The following NFU1 variants were observed in gnomAD, a reference collection of about 807,000 sequenced individuals.
NFU1 encodes the protein NFU1 iron-sulfur cluster scaffold homolog, mitochondrial.
Under a neutral mutation model 32.2 loss-of-function variants are expected in NFU1, and 30 were observed. The ratio of observed to expected loss-of-function variants is 0.93; its 90% CI spans 0.70 to 1.26. The LOEUF (loss-of-function observed/expected upper bound fraction) is 1.26, where lower values mean the gene tolerates loss of function less well. Among genes scored for constraint, NFU1 ranks in the 50% most tolerant of loss-of-function variants. The pLI is 0.00. For synonymous variants in NFU1, 112 were observed against 104.6 expected (o/e 1.07, Z -0.43); for missense variants, 306 against 306.6 (o/e 1.00, Z 0.02).
At chr2:69,416,295 AATAAT>A (rs1266294931) in intron 4 of NFU1, 1 of 143,454 alleles carries the variant, frequency 7.0e-6, no homozygotes, top group Non-Finnish European at 1.5e-5. Context: ...TATTATTATT[AATAAT>A]ATAATTATAA....
intron 3 of NFU1, among the ~76,000 whole-genome samples, chr2:69,423,154 GT>G (rs1673303849): frequency 2.0e-5 from 2 of 100,360 alleles, no homozygotes; most frequent in Non-Finnish European, 4.3e-5. Context: ...ATTTGTGTGT[GT>G]GTGTGTGTGT....
intron 1 of NFU1, among the ~76,000 whole-genome samples, chr2:69,437,040 G>A (rs1673864924): frequency 6.6e-6 from 1 of 152,238 alleles, no homozygotes; most frequent in African/African-American, 2.4e-5. Flanking sequence ...GGGGGCGGGA[G>A]AGGCACACGA....
intron 1 of NFU1, among the ~76,000 whole-genome samples, chr2:69,436,173 G>A (rs4284873): frequency 0.38 from 58,397 of 151,926 alleles, 11,557 homozygotes; most frequent in Middle Eastern, 0.44. Flanking sequence ...TAGCACAATG[G>A]CCTCAGTTCT....
intron 1 of NFU1, among the ~76,000 whole-genome samples, chr2:69,436,546 T>C (rs939255235): frequency 1.3e-5 from 2 of 152,136 alleles, no homozygotes; most frequent in Non-Finnish European, 2.9e-5. Flanking sequence ...GATTACATTA[T>C]TCAAGGAAGA....
rs571609931 is a variant in NFU1 at position 69,404,804 on chromosome 2, G to C, written c.545+1218C>G. On this transcript the variant is annotated intron_variant, in intron 6 of 7. Transcript: ENST00000410022. ...CTGGCTAATTTTTGTATTCTTAGTA[G>C]AGATGGGGTTTCAACATGTTGGCCA... 2.0e-5 allele frequency among the ~76,000 whole-genome samples: 3 copies of C among 150,956 alleles called. No individual in the cohort carries two copies. In the East Asian group the frequency reaches 6.0e-4, roughly 30 times the overall value.
intron 5 of NFU1, 25 bp downstream of exon 5, chr2:69,415,160 T>A (rs1169242528): frequency 3.8e-6 from 5 of 1,304,762 alleles, no homozygotes; most frequent in South Asian, 3.6e-5. Flanking sequence ...AGGACAAATT[T>A]TAATTACTCA....
chr2:69,407,036 G>T (rs569375275), intron 5 of NFU1, among the ~76,000 whole-genome samples: 1 of 152,230 alleles, frequency 6.6e-6, no homozygotes, highest in South Asian at 2.1e-4. Context: ...CGCCATGATT[G>T]TAACTTTCCT....
At chr2:69,404,272 A>T (rs566695705) in intron 6 of NFU1, among the ~76,000 whole-genome samples, 1 of 151,394 alleles carries the variant, frequency 6.6e-6, no homozygotes, top group Non-Finnish European at 1.5e-5. Context: ...AGGGTAGATC[A>T]CCTGAGGTCA....
chr2:69,427,052 T>A (rs1673480062), intron 2 of NFU1, among the ~76,000 whole-genome samples: 2 of 120,668 alleles, frequency 1.7e-5, no homozygotes, highest in Non-Finnish European at 3.3e-5. Context: ...AGAGAGAGAC[T>A]AGGTCTCAAA....
At chr2:69,409,006 A>T (rs1024645607) in intron 5 of NFU1, among the ~76,000 whole-genome samples, 1 of 150,674 alleles carries the variant, frequency 6.6e-6, no homozygotes, top group Non-Finnish European at 1.5e-5. Context: ...CACCTGGCTA[A>T]TTTTTTTGTA....
intron 3 of NFU1, among the ~76,000 whole-genome samples, chr2:69,422,915 T>G (rs1413825481): frequency 1.3e-5 from 2 of 152,092 alleles, no homozygotes; most frequent in African/African-American, 4.8e-5. Context: ...GGTTTCACCA[T>G]GTTGCCCAGG....
At chr2:69,413,590 C>A (rs12612489) in intron 5 of NFU1, among the ~76,000 whole-genome samples, 32,300 of 151,980 alleles carry the variant, frequency 0.21, 4,036 homozygotes, top group African/African-American at 0.34. Context: ...GCAAAACCCC[C>A]TCTACTAAAA....
At chr2:69,439,543 T>G (rs371968748), upstream of NFU1, among the ~76,000 whole-genome samples, 3 of 152,182 alleles carry the variant, frequency 2.0e-5, no homozygotes, top group African/African-American at 7.2e-5. Flanking sequence ...TTTCATAACA[T>G]GGAAGGGGAC....
intron 2 of NFU1, among the ~76,000 whole-genome samples, chr2:69,431,327 A>T (rs757493354): frequency 1.3e-5 from 2 of 152,146 alleles, no homozygotes; most frequent in Non-Finnish European, 2.9e-5. Context: ...TCTTTTTGAG[A>T]CAGGGTCCCA....
At chr2:69,415,586 C>T (rs1317976186) in intron 4 of NFU1, among the ~76,000 whole-genome samples, 1 of 152,116 alleles carries the variant, frequency 6.6e-6, no homozygotes, top group East Asian at 1.9e-4. Context: ...AAATACTCTC[C>T]AGCACGTAAA....
At chr2:69,434,686 G>A (rs1317822818) in intron 1 of NFU1, among the ~76,000 whole-genome samples, 3 of 152,170 alleles carry the variant, frequency 2.0e-5, no homozygotes, top group African/African-American at 4.8e-5. Flanking sequence ...TTTAAGTACA[G>A]GAGTCATTTA....
At chr2:69,404,708 C>T (rs1232320032) in intron 6 of NFU1, among the ~76,000 whole-genome samples, 2 of 138,842 alleles carry the variant, frequency 1.4e-5, no homozygotes, top group Admixed American at 1.6e-4. Flanking sequence ...CAACCTCCGC[C>T]TCCAGGGTTC....
intron 1 of NFU1, chr2:69,437,123 C>A (rs1463012986): frequency 3.7e-6 from 3 of 806,180 alleles, no homozygotes; most frequent in Non-Finnish European, 5.7e-6. Context: ...GACTCAAGAA[C>A]TGGGTCTCTG....
chr2:69,435,903 C>A (rs1673814583), intron 1 of NFU1, among the ~76,000 whole-genome samples: 1 of 151,788 alleles, frequency 6.6e-6, no homozygotes, highest in Admixed American at 6.6e-5. Flanking sequence ...CAGGCACACA[C>A]CACCACGCCC....
Sources: allele counts gnomAD v4.1 joint callset (sites outside exome capture counted in the v4.1 genomes callset), GRCh38; gene constraint gnomAD v4.1.1; transcripts MANE v1.5; gene names NCBI Gene and HGNC (gene_info 2026-07-23, HGNC 2026-07-21).